The following MRTFA variants were observed in gnomAD, a reference collection of about 807,000 sequenced individuals.
MRTFA encodes myocardin-related transcription factor A.
MRTFA carries 20 observed loss-of-function variants against 83.5 expected under a neutral mutation model. That is an observed-to-expected ratio of 0.24 (90% confidence interval 0.17 to 0.35). The LOEUF (loss-of-function observed/expected upper bound fraction) is 0.35. MRTFA is among the 10% of genes least tolerant of loss of function. The probability of loss-of-function intolerance (pLI) is 1.00; values close to 1 mark genes in which losing one functional copy is unlikely to be tolerated. For missense variants in MRTFA, 1,200 were observed against 1,224.7 expected (o/e 0.98, Z 0.30); for synonymous variants, 659 against 541.2 (o/e 1.22, Z -3.02).
intron 1 of MRTFA, among the ~76,000 whole-genome samples, chr22:40,624,804 G>A (rs1463268287): frequency 6.6e-6 from 1 of 152,196 alleles, no homozygotes; most frequent in Non-Finnish European, 1.5e-5. Flanking sequence ...TGATTAGCTT[G>A]TCCAAATTGT....
At position 40,435,526 on chromosome 22, in the gene MRTFA, C is replaced by G. The variant is rs371095439; in HGVS notation, c.336G>C (p.Glu112Asp). Residue 112 changes from glutamate (E) to aspartate (D), a missense_variant, in exon 5 of 15, where the codon GAG becomes GAC. By Grantham distance (45) the Glu-to-Asp change is conservative. Transcript: ENST00000355630. ...TGGCCCGCTCCAAGCTCCTTCTCTG[C>G]TCATGAAATGCGGCTGGACTTTTCA... The G allele has an allele frequency of 6.2e-7, 1 of 1,614,080 alleles. No individual in the cohort carries two copies. Among genetic ancestry groups the G allele is most frequent in the African/African-American group, 1.3e-5 (1 of 74,930 alleles).
At chr22:40,459,818 C>CATAT (rs1489036402) in intron 4 of MRTFA, among the ~76,000 whole-genome samples, 96 of 90,124 alleles carry the variant, frequency 1.1e-3, no homozygotes, top group East Asian at 2.2e-3. Flanking sequence ...CACACACACA[C>CATAT]ACACATATAT....
intron 1 of MRTFA, among the ~76,000 whole-genome samples, chr22:40,633,704 C>G (rs1452008255): frequency 6.6e-6 from 1 of 151,830 alleles, no homozygotes; most frequent in African/African-American, 2.4e-5. Context: ...ATTATATTGC[C>G]ATATATAAAG....
chr22:40,559,369 C>T (rs1184253975), intron 2 of MRTFA, among the ~76,000 whole-genome samples: 1 of 152,058 alleles, frequency 6.6e-6, no homozygotes, highest in Non-Finnish European at 1.5e-5. Flanking sequence ...GCCTGGGCAA[C>T]GAAGTGATAC....
At chr22:40,422,904 T>C (rs1269801854) in intron 9 of MRTFA, among the ~76,000 whole-genome samples, 3 of 152,120 alleles carry the variant, frequency 2.0e-5, no homozygotes, top group Non-Finnish European at 4.4e-5. Context: ...AGGGTGCAGG[T>C]GGAGCAAGTC....
At chr22:40,426,716 A>C (rs1383154678) in intron 7 of MRTFA, among the ~76,000 whole-genome samples, 1 of 152,114 alleles carries the variant, frequency 6.6e-6, no homozygotes, top group African/African-American at 2.4e-5. Context: ...CCTGGCCACC[A>C]ACACCTGTTC....
intron 2 of MRTFA, among the ~76,000 whole-genome samples, chr22:40,590,524 G>C (rs375502530): frequency 6.6e-6 from 1 of 151,216 alleles, no homozygotes; most frequent in Non-Finnish European, 1.5e-5. Context: ...AAAATTAGTC[G>C]GGCATAGTGG....
intron 3 of MRTFA, among the ~76,000 whole-genome samples, chr22:40,487,113 T>C (rs948365248): frequency 2.6e-5 from 4 of 152,200 alleles, no homozygotes; most frequent in African/African-American, 9.7e-5. Context: ...TGAGGCTAAA[T>C]AACATCTAAG....
chr22:40,421,240 G>C (rs968745735), intron 9 of MRTFA, 140 bp from the exon 10 acceptor site: 1 of 974,124 alleles, frequency 1.0e-6, no homozygotes, highest in Non-Finnish European at 1.5e-6. Flanking sequence ...CTTCCCTGTG[G>C]GACCGTACAC....
chr22:40,419,392 G>T lies in MRTFA; in HGVS notation c.1354-8C>A. The T allele has an allele frequency of 6.2e-7, 1 of 1,612,394 alleles. No individual in the cohort carries two copies. Among genetic ancestry groups the T allele is most frequent in the Non-Finnish European group, 8.5e-7 (1 of 1,179,812 alleles). On this transcript the variant is annotated splice_region_variant and splice_polypyrimidine_tract_variant and intron_variant, in intron 11 of 14. Transcript: ENST00000355630. The stretch of plus-strand genomic sequence containing the variant: ...CTGCTTCAGCTCTGCCACCTGCAAG[G>T]CAGTCAAGAGTCAGGGAGGCCAGGG...
At chr22:40,430,087 G>C (rs1048372288) in intron 6 of MRTFA, among the ~76,000 whole-genome samples, 14 of 152,168 alleles carry the variant, frequency 9.2e-5, no homozygotes, top group African/African-American at 3.4e-4. Context: ...CAAACTTGCT[G>C]TGTTACTGAG....
intron 2 of MRTFA, among the ~76,000 whole-genome samples, chr22:40,576,824 T>G (rs1346731731): frequency 1.1e-4 from 17 of 152,208 alleles, no homozygotes; most frequent in Admixed American, 1.1e-3. Flanking sequence ...CTCACACCTG[T>G]AATCCCAACA....
intron 1 of MRTFA, among the ~76,000 whole-genome samples, chr22:40,605,060 T>C (rs1308677551): frequency 6.6e-6 from 1 of 152,268 alleles, no homozygotes; most frequent in East Asian, 1.9e-4. Context: ...TGTTAACCTT[T>C]ATCACTTACA....
rs148372310 is a variant in MRTFA, at chr22:40,580,352, C to G, written c.-22+14322G>C. ...TAGCTGGGACTACAGGCGTGCACCA[C>G]CACACCCAGCTAGTTTTTGTATTTT... On this transcript the variant is annotated intron_variant, in intron 2 of 14. Coordinates refer to ENST00000355630, the MANE Select transcript of MRTFA (RefSeq NM_020831.6). Among the ~76,000 whole-genome samples, 220 of 152,094 alleles carry G rather than the reference C, an allele frequency of 1.4e-3. 6 individuals are homozygous for G. The East Asian group carries it at 0.03, about 21-fold the overall frequency.
intron 4 of MRTFA, among the ~76,000 whole-genome samples, chr22:40,455,368 C>T (rs190764476): frequency 4.6e-5 from 7 of 151,582 alleles, no homozygotes; most frequent in African/African-American, 9.7e-5. Flanking sequence ...CCATGGCGGC[C>T]GGGTGCGGTG....
intron 2 of MRTFA, among the ~76,000 whole-genome samples, chr22:40,575,374 GATTTAGATATAAAAT>G (rs1443381968): frequency 1.3e-5 from 2 of 152,066 alleles, no homozygotes; most frequent in Non-Finnish European, 2.9e-5. Flanking sequence ...ATAAATGCTA[GATTTAGATATAAAAT>G]ATTGAGATAT....
intron 3 of MRTFA, among the ~76,000 whole-genome samples, chr22:40,465,611 A>T (rs1227673210): frequency 6.6e-6 from 1 of 152,162 alleles, no homozygotes; most frequent in Non-Finnish European, 1.5e-5. Context: ...CCCAGGCTGG[A>T]GTGCAGTGGC....
intron 3 of MRTFA, among the ~76,000 whole-genome samples, chr22:40,511,196 CAG>C (rs1487533373): frequency 6.6e-6 from 1 of 151,916 alleles, no homozygotes; most frequent in Non-Finnish European, 1.5e-5. Context: ...TGATATAGGG[CAG>C]AGAGACAAAA....
intron 7 of MRTFA, among the ~76,000 whole-genome samples, chr22:40,427,427 G>C (rs1174347098): frequency 2.0e-5 from 3 of 152,106 alleles, no homozygotes; most frequent in Non-Finnish European, 2.9e-5. Flanking sequence ...GCATGCGTTG[G>C]GGGTCTGCTG....
Sources: gnomAD v4.1 joint callset for allele counts (sites outside exome capture counted in the v4.1 genomes callset) on GRCh38, gnomAD v4.1.1 for gene constraint, MANE v1.5 for transcripts, NCBI Gene and HGNC (gene_info 2026-07-23, HGNC 2026-07-21) for gene names.